Variants in ADGRB3 observed in about 807,000 individuals in gnomAD.
ADGRB3 encodes brain-specific angiogenesis inhibitor 3.
In ADGRB3, 37 loss-of-function variants were observed where a neutral mutation model predicts 193.4. That is an observed-to-expected ratio of 0.19 (90% CI 0.15 to 0.25). ADGRB3 has a LOEUF of 0.25. Among genes scored for constraint, ADGRB3 ranks in the 10% least tolerant of loss-of-function variants. The pLI is 1.00. For synonymous variants in ADGRB3, 690 were observed against 644.2 expected, an observed-to-expected ratio of 1.07 and a Z score of -1.08; for missense variants, 1,637 against 1,852.9, an observed-to-expected ratio of 0.88 and a Z score of 2.14.
chr6:68,940,340 T>A (rs899918655), intron 5 of ADGRB3, among the ~76,000 whole-genome samples: 1 of 152,044 alleles, frequency 6.6e-6, no homozygotes, highest in Non-Finnish European at 1.5e-5. Context: ...TGTATTTTTT[T>A]AATGTTTAAC....
intron 17 of ADGRB3, among the ~76,000 whole-genome samples, chr6:69,137,056 C>CTTT (rs71548125): frequency 5.0e-5 from 4 of 80,104 alleles, no homozygotes; most frequent in Non-Finnish European, 4.9e-5. Flanking sequence ...TCTTTTCTTT[C>CTTT]TTTTTTTTTT....
At chr6:69,029,233 G>A (rs963596367) in intron 13 of ADGRB3, among the ~76,000 whole-genome samples, 2 of 152,044 alleles carry the variant, frequency 1.3e-5, no homozygotes, top group African/African-American at 4.8e-5. Flanking sequence ...CTGACCATTT[G>A]TTTTCTTTTG....
At chr6:69,139,111 C>T (rs1020180740) in intron 17 of ADGRB3, among the ~76,000 whole-genome samples, 3 of 152,212 alleles carry the variant, frequency 2.0e-5, no homozygotes, top group African/African-American at 7.2e-5. Context: ...ACCCTACCAC[C>T]TCCCTAGACC....
At chr6:68,782,390 G>A (rs1207591689) in intron 3 of ADGRB3, among the ~76,000 whole-genome samples, 1 of 151,748 alleles carries the variant, frequency 6.6e-6, no homozygotes, top group Admixed American at 6.6e-5. Flanking sequence ...CATTTGAGTT[G>A]GTTCCAAGTC....
chr6:68,868,199 G>A (rs776921433), intron 3 of ADGRB3, among the ~76,000 whole-genome samples: 42 of 152,132 alleles, frequency 2.8e-4, no homozygotes, highest in Non-Finnish European at 5.3e-4. Flanking sequence ...GATCATGGGG[G>A]AGGTTTCCCC....
chr6:68,936,589 G>A lies in ADGRB3; in HGVS notation c.939G>A (p.Val313=). Residue 313 remains valine, a synonymous_variant, in exon 5 of 32, where the codon GTG becomes GTA. Transcript: ENST00000370598. ...CSVTCGQGSQ[V]RTRTCVSPYG... is the part of the protein sequence containing the mutation. ...TTACTTGTGGTCAAGGGTCGCAGGT[G>A]CGAACCAGAACTTGTGTATCACCTT... 6.2e-7 allele frequency: 1 copy of A among 1,614,058 alleles called. No individual in the cohort carries two copies. The highest frequency in any genetic ancestry group is 8.5e-7 in the Non-Finnish European group (1 of 1,179,992).
At chr6:68,700,701 C>T (rs1765228736) in intron 3 of ADGRB3, among the ~76,000 whole-genome samples, 1 of 151,584 alleles carries the variant, frequency 6.6e-6, no homozygotes, top group African/African-American at 2.4e-5. Context: ...AACCATCATT[C>T]TCAGCAAACT....
chr6:68,707,527 T>A (rs1230781696), intron 3 of ADGRB3, among the ~76,000 whole-genome samples: 3 of 152,210 alleles, frequency 2.0e-5, no homozygotes, highest in African/African-American at 7.2e-5. Context: ...ATGTATTAGT[T>A]GCTTACATTT....
rs772397908 is a variant in ADGRB3, at chr6:69,321,702, C to T, written c.2815-3170C>T. ...TCCTGAGACCTGAACACTAGAAAGG[C>T]CAGTTTTATGGAAGCTGATGTGTCA... On this transcript the variant is annotated intron_variant, in intron 20 of 31. Coordinates refer to ENST00000370598, the MANE Select transcript of ADGRB3 (RefSeq NM_001704.3). Among the ~76,000 whole-genome samples, 33 of 151,586 alleles carry T rather than the reference C, an allele frequency of 2.2e-4. 1 individual carries two copies. Among genetic ancestry groups the T allele is most frequent in the Non-Finnish European group, 4.3e-4 (29 of 67,768 alleles).
At chr6:68,900,414 G>A (rs571977985) in intron 3 of ADGRB3, among the ~76,000 whole-genome samples, 1 of 152,254 alleles carries the variant, frequency 6.6e-6, no homozygotes, top group Non-Finnish European at 1.5e-5. Flanking sequence ...GACAGGGAAA[G>A]TAGCCACAAG....
chr6:68,996,186 A>T (rs1053117397), intron 11 of ADGRB3, among the ~76,000 whole-genome samples: 10 of 152,052 alleles, frequency 6.6e-5, no homozygotes, highest in African/African-American at 2.2e-4. Flanking sequence ...TGCCATCTTG[A>T]CTTTTTCCTT....
At chr6:68,672,369 G>A (rs1284714840) in intron 3 of ADGRB3, among the ~76,000 whole-genome samples, 8 of 150,526 alleles carry the variant, frequency 5.3e-5, no homozygotes, top group African/African-American at 1.5e-4. Flanking sequence ...TTTATTTGAT[G>A]TTTTTCTTCT....
intron 17 of ADGRB3, among the ~76,000 whole-genome samples, chr6:69,214,654 C>A (rs1033996925): frequency 1.2e-4 from 18 of 151,846 alleles, no homozygotes; most frequent in Non-Finnish European, 2.4e-4. Context: ...TTGAAGCATG[C>A]TGGGTATCAG....
chr6:69,075,873 C>G (rs3757050), intron 16 of ADGRB3, 122 bp from the exon 17 acceptor site: 248,923 of 702,936 alleles, frequency 0.35, 46,216 homozygotes, highest in Non-Finnish European at 0.37. Context: ...AAAAAGAAAT[C>G]ATTAAAGTAT....
intron 17 of ADGRB3, among the ~76,000 whole-genome samples, chr6:69,148,279 T>A (rs1774564080): frequency 6.6e-6 from 1 of 152,172 alleles, no homozygotes; most frequent in Non-Finnish European, 1.5e-5. Context: ...TATTACTTTT[T>A]ATTTTTTGTA....
At chr6:68,977,900 A>C (rs1768794247) in intron 10 of ADGRB3, among the ~76,000 whole-genome samples, 1 of 147,258 alleles carries the variant, frequency 6.8e-6, no homozygotes, top group African/African-American at 2.5e-5. Flanking sequence ...CAATTGTTCC[A>C]AAACCTAATC....
chr6:69,086,627 G>A (rs1201377174), intron 17 of ADGRB3, among the ~76,000 whole-genome samples: 1 of 152,080 alleles, frequency 6.6e-6, no homozygotes, highest in Non-Finnish European at 1.5e-5. Flanking sequence ...GTTTGGTTGG[G>A]TCTTTTGGAG....
At chr6:68,739,334 T>G (rs563877407) in intron 3 of ADGRB3, among the ~76,000 whole-genome samples, 1 of 152,236 alleles carries the variant, frequency 6.6e-6, no homozygotes, top group Admixed American at 6.5e-5. Context: ...CAAGTGAGGG[T>G]TTTGTTTAGT....
chr6:69,011,760 G>A (rs1222129348), intron 11 of ADGRB3, among the ~76,000 whole-genome samples: 1 of 151,958 alleles, frequency 6.6e-6, no homozygotes, highest in African/African-American at 2.4e-5. Flanking sequence ...ATACACTGAG[G>A]ATACACTGAT....
Sources: gnomAD v4.1 joint callset for allele counts (sites outside exome capture counted in the v4.1 genomes callset) on GRCh38, gnomAD v4.1.1 for gene constraint, MANE v1.5 for transcripts, NCBI Gene and HGNC (gene_info 2026-07-23, HGNC 2026-07-21) for gene names.